MYH9: variants seen among roughly 807,000 people sequenced by gnomAD.
The protein encoded by MYH9 is myosin heavy chain 9, also known as myosin-9.
MYH9 carries 29 observed loss-of-function variants against 241.9 expected under a neutral mutation model. The observed-to-expected ratio is 0.12, with a 90% CI of 0.09 to 0.16. The LOEUF is 0.16. Ranked by LOEUF, MYH9 falls within the 10% of genes least tolerant of loss-of-function variation. The pLI is 1.00. For synonymous variants in MYH9, 1,047 were observed against 1,062.6 expected (o/e 0.99, Z 0.29); for missense variants, 1,803 against 2,595.5 (o/e 0.69, Z 6.63).
intron 1 of MYH9, among the ~76,000 whole-genome samples, chr22:36,385,011 A>T (rs1009305764): frequency 6.6e-6 from 1 of 152,104 alleles, no homozygotes; most frequent in African/African-American, 2.4e-5. Flanking sequence ...GGGCTGCACA[A>T]AGGGAAATGC....
chr22:36,311,370 C>A (rs1228770448), intron 14 of MYH9, among the ~76,000 whole-genome samples: 1 of 152,028 alleles, frequency 6.6e-6, no homozygotes, highest in African/African-American at 2.4e-5. Flanking sequence ...CCCGCACCTC[C>A]CCCCCCGAAA....
intron 1 of MYH9, among the ~76,000 whole-genome samples, chr22:36,357,623 G>A (rs961379211): frequency 5.9e-5 from 9 of 152,168 alleles, no homozygotes; most frequent in African/African-American, 2.2e-4. Flanking sequence ...AGGGGTTCGT[G>A]TGAACAAACG....
chr22:36,287,296 G>A (rs922600657), intron 34 of MYH9, among the ~76,000 whole-genome samples: 3 of 152,052 alleles, frequency 2.0e-5, no homozygotes, highest in Non-Finnish European at 2.9e-5. Flanking sequence ...AGATAAATCC[G>A]AAATTGAGAT....
rs1279276692 is a variant in MYH9 at position 36,292,118 on chromosome 22, C to T, written c.4212G>A (p.Lys1404=). 3.1e-6 allele frequency: 5 copies of T among 1,614,212 alleles called. No homozygotes were observed. The highest frequency in any genetic ancestry group is 4.2e-6 in the Non-Finnish European group (5 of 1,180,052). ...TCTCCAGCTTGTCGTAGGCGGCCAC[C>T]TTCTCCTCGTGCCGCTGGCTCAGGC... ...LEGLSQRHEE[K]VAAYDKLEKT... The change falls in exon 31 of 41, where the codon AAG becomes AAA. Residue 1404 remains lysine (K), a synonymous_variant. Transcript: ENST00000216181.
chr22:36,333,705 C>A (rs1489287621), intron 3 of MYH9, among the ~76,000 whole-genome samples: 1 of 152,114 alleles, frequency 6.6e-6, no homozygotes, highest in African/African-American at 2.4e-5. Flanking sequence ...TAACTTCATT[C>A]CAGAAATCAG....
chr22:36,357,484 T>C (rs1569536828), intron 1 of MYH9, among the ~76,000 whole-genome samples: 1 of 152,172 alleles, frequency 6.6e-6, no homozygotes, highest in Non-Finnish European at 1.5e-5. Flanking sequence ...CCCTGGCCTC[T>C]ACCCACTAGA....
intron 1 of MYH9, among the ~76,000 whole-genome samples, chr22:36,375,951 ATTTC>A (rs1442331755): frequency 2.5e-5 from 3 of 119,068 alleles, no homozygotes; most frequent in Non-Finnish European, 5.6e-5. Context: ...GTGCTCAATA[ATTTC>A]TTTTTTTTTT....
At chr22:36,359,424 G>A (rs1294509903) in intron 1 of MYH9, among the ~76,000 whole-genome samples, 1 of 152,230 alleles carries the variant, frequency 6.6e-6, no homozygotes, top group East Asian at 1.9e-4. Context: ...GAAGGTAACA[G>A]GAGAGCCAAG....
intron 1 of MYH9, among the ~76,000 whole-genome samples, chr22:36,360,153 T>G (rs12158171): frequency 5.3e-5 from 8 of 149,906 alleles, no homozygotes; most frequent in African/African-American, 2.0e-4. Flanking sequence ...CTCCTCTATC[T>G]TGTGATTCTG....
intron 1 of MYH9, among the ~76,000 whole-genome samples, chr22:36,376,772 T>G (rs1000000683): frequency 6.6e-6 from 1 of 152,180 alleles, no homozygotes. Context: ...GGCTTAGAAC[T>G]GAAGACACTG....
chr22:36,374,646 G>A (rs112815574), intron 1 of MYH9, among the ~76,000 whole-genome samples: 15 of 152,322 alleles, frequency 9.8e-5, no homozygotes, highest in South Asian at 2.1e-4. Context: ...ACCAGAGGGC[G>A]CAGGCCGCGT....
intron 5 of MYH9, among the ~76,000 whole-genome samples, chr22:36,323,737 C>A (rs1009320412): frequency 6.6e-6 from 1 of 152,152 alleles, no homozygotes; most frequent in Non-Finnish European, 1.5e-5. Context: ...CCTCTGGCAG[C>A]CCTCCTAGGC....
intron 31 of MYH9, among the ~76,000 whole-genome samples, chr22:36,291,388 T>C (rs2016700166): frequency 6.6e-6 from 1 of 152,108 alleles, no homozygotes; most frequent in South Asian, 2.1e-4. Flanking sequence ...CCCCCAACCC[T>C]GTGCTCTCTG....
chr22:36,302,702 G>A (rs771462807), intron 19 of MYH9, 26 bp from the exon 20 acceptor site: 17 of 1,596,686 alleles, frequency 1.1e-5, no homozygotes, highest in Admixed American at 3.3e-5. Flanking sequence ...CATGGTCAGC[G>A]CGGAGCAGTG....
intron 1 of MYH9, among the ~76,000 whole-genome samples, chr22:36,359,161 T>C (rs2017899158): frequency 6.6e-6 from 1 of 152,244 alleles, no homozygotes; most frequent in Admixed American, 6.5e-5. Flanking sequence ...TCTGTACTTG[T>C]TCCACTGTAA....
In MYH9 at chr22:36,288,559, A is replaced by G; in HGVS notation, c.4771-146T>C. Reference sequence around the variant, plus strand: ...GGGATTACTGACCATAAGAACTCTAAGAAAGTGAGTCACTGAACCCCGAGA... The same window carrying G: ...GGGATTACTGACCATAAGAACTCTAGGAAAGTGAGTCACTGAACCCCGAGA... On this transcript the variant is annotated intron_variant, in intron 33 of 40. Coordinates refer to ENST00000216181, the MANE Select transcript of MYH9 (RefSeq NM_002473.6). This position sits in a 1 kb window ranked among gnomAD's most constrained non-coding sequence, Gnocchi z 4.8. 1.5e-6 allele frequency: 2 copies of G among 1,363,836 alleles called. No individual in the cohort carries two copies. Among genetic ancestry groups the G allele is most frequent in the South Asian group, 2.3e-5 (2 of 85,178 alleles). 84.5% of individuals were successfully genotyped at this position (1,363,836 alleles called of 1,614,324 possible). A position where few individuals can be genotyped will look rare whatever the true frequency, so the allele number is the denominator to read the frequency against.
intron 1 of MYH9, among the ~76,000 whole-genome samples, chr22:36,369,315 T>C (rs1174164905): frequency 1.3e-5 from 2 of 152,246 alleles, no homozygotes; most frequent in Non-Finnish European, 2.9e-5. Flanking sequence ...AATTCCACAG[T>C]GCTCGGCAGC....
rs112765910 is a variant in MYH9, at chr22:36,338,942, A to G, written c.490+2428T>C. ...AAGAGACCCTGAATTGCACAGATGT[A>G]CGAGGGTGGCCCCTAAGTTCCTATG... On this transcript the variant is annotated intron_variant, in intron 3 of 40. Coordinates refer to ENST00000216181, the MANE Select transcript of MYH9 (RefSeq NM_002473.6). 8.0e-3 allele frequency among the ~76,000 whole-genome samples: 1,223 copies of G among 152,366 alleles called. 14 individuals are homozygous for G. The highest frequency in any genetic ancestry group is 0.028 in the African/African-American group (1,164 of 41,582).
At chr22:36,332,354 A>C (rs1424883133) in intron 3 of MYH9, among the ~76,000 whole-genome samples, 1 of 152,196 alleles carries the variant, frequency 6.6e-6, no homozygotes, top group Non-Finnish European at 1.5e-5. Context: ...AGTGGGGTGG[A>C]GCTTCCTGGC....
Sources: gnomAD v4.1 joint callset for allele counts (sites outside exome capture counted in the v4.1 genomes callset) on GRCh38, gnomAD v4.1.1 for gene constraint, Gnocchi (gnomAD v3.1) non-coding constraint, MANE v1.5 for transcripts, NCBI Gene and HGNC (gene_info 2026-07-23, HGNC 2026-07-21) for gene names.